The following KCNIP1 variants were observed in gnomAD, a reference collection of about 807,000 sequenced individuals.
KCNIP1 encodes the protein A-type potassium channel modulatory protein KCNIP1.
In KCNIP1, 18 loss-of-function variants were observed where a neutral mutation model predicts 33.0. That is an observed-to-expected ratio of 0.55 (90% CI 0.38 to 0.81). The LOEUF is 0.81. KCNIP1 is among the 30% of genes least tolerant of loss of function. The pLI, the probability that KCNIP1 is intolerant of heterozygous loss-of-function variation, is 0.00. For synonymous variants in KCNIP1, 93 were observed against 98.3 expected (o/e 0.95, Z 0.32); for missense variants, 238 against 271.6 (o/e 0.88, Z 0.87).
intron 1 of KCNIP1, among the ~76,000 whole-genome samples, chr5:170,541,350 A>G (rs1456828906): frequency 3.9e-5 from 6 of 152,146 alleles, no homozygotes; most frequent in Non-Finnish European, 5.9e-5. Flanking sequence ...GTCTGCCCCA[A>G]TCATTTCTCA....
chr5:170,555,877 G>A (rs774800397), intron 1 of KCNIP1, among the ~76,000 whole-genome samples: 2 of 152,130 alleles, frequency 1.3e-5, no homozygotes, highest in East Asian at 1.9e-4. Context: ...AGGGCTACAG[G>A]GACACAAGGT....
At chr5:170,408,580 T>C (rs938302862) in intron 1 of KCNIP1, among the ~76,000 whole-genome samples, 4 of 152,072 alleles carry the variant, frequency 2.6e-5, no homozygotes, top group African/African-American at 7.2e-5. Context: ...AGAGAGGAAA[T>C]TGTCCAATTC....
chr5:170,643,322 C>T (rs1760652136), intron 1 of KCNIP1, among the ~76,000 whole-genome samples: 1 of 152,244 alleles, frequency 6.6e-6, no homozygotes, highest in Admixed American at 6.5e-5. Context: ...ACATTTCTGG[C>T]TCCAGAACTG....
chr5:170,456,496 AC>A (rs1756378747), intron 1 of KCNIP1, among the ~76,000 whole-genome samples: 1 of 152,002 alleles, frequency 6.6e-6, no homozygotes, highest in Admixed American at 6.6e-5. Flanking sequence ...AAAAGAAAAA[AC>A]ATCTCATATC....
intron 1 of KCNIP1, among the ~76,000 whole-genome samples, chr5:170,696,293 A>C (rs530200138): frequency 3.5e-4 from 53 of 152,252 alleles, no homozygotes; most frequent in African/African-American, 1.2e-3. Flanking sequence ...TGAACAGAGG[A>C]TGGGCCTGAC....
At chr5:170,629,397 C>A (rs1759963751) in intron 1 of KCNIP1, among the ~76,000 whole-genome samples, 1 of 152,200 alleles carries the variant, frequency 6.6e-6, no homozygotes, top group Non-Finnish European at 1.5e-5. Context: ...TCCCCCAGGA[C>A]CTGCTCCACC....
At chr5:170,578,467 T>TTGTG (rs1414711437) in intron 1 of KCNIP1, among the ~76,000 whole-genome samples, 12 of 151,002 alleles carry the variant, frequency 7.9e-5, no homozygotes, top group Non-Finnish European at 1.5e-4. Flanking sequence ...CCTATGGCCC[T>TTGTG]TGTGTTTCTT....
intron 1 of KCNIP1, among the ~76,000 whole-genome samples, chr5:170,379,198 G>A (rs1454970367): frequency 6.6e-6 from 1 of 152,122 alleles, no homozygotes; most frequent in Admixed American, 6.5e-5. Flanking sequence ...CGGGGTACAG[G>A]CTACACACCT....
chr5:170,687,185 A>ATT (rs540360161), intron 1 of KCNIP1, among the ~76,000 whole-genome samples: 297 of 145,938 alleles, frequency 2.0e-3, no homozygotes, highest in African/African-American at 6.4e-3. Context: ...ACCTGAGTAA[A>ATT]TTTTTTTTTT....
At position 170,619,081 on chromosome 5, in the gene KCNIP1, C is replaced by T. The variant is rs147428918; in HGVS notation, c.62-99677C>T. ...GTTCCATAAACAGCTGTTGAAGAGA[C>T]GGATGGATAACTGAATGAATGGATG... is the stretch of plus-strand genomic sequence containing the variant. On this transcript the variant is annotated intron_variant, in intron 1 of 7. Transcript: ENST00000328939. Among the ~76,000 whole-genome samples, 1,380 of 152,256 alleles carry T rather than the reference C, an allele frequency of 9.1e-3. 9 individuals are homozygous for T. Among genetic ancestry groups the T allele is most frequent in the Non-Finnish European group, 0.015 (1,012 of 68,010 alleles).
intron 1 of KCNIP1, among the ~76,000 whole-genome samples, chr5:170,620,218 A>G (rs532845194): frequency 2.6e-5 from 4 of 152,158 alleles, no homozygotes; most frequent in Non-Finnish European, 4.4e-5. Context: ...CTTCCAACAC[A>G]TGCACCAACC....
At chr5:170,735,662 T>C (rs1363712) in intron 7 of KCNIP1, 97 bp from the exon 8 acceptor site, 426,948 of 1,049,132 alleles carry the variant, frequency 0.41, 94,959 homozygotes, top group Non-Finnish European at 0.47. Context: ...GTTTTCTCCA[T>C]ATAGGAAACC....
intron 1 of KCNIP1, among the ~76,000 whole-genome samples, chr5:170,547,847 T>C (rs1756474502): frequency 6.6e-6 from 1 of 152,228 alleles, no homozygotes; most frequent in Admixed American, 6.5e-5. Context: ...TGCAGCTGTC[T>C]TTATAATAGA....
At chr5:170,584,870 C>T (rs1200627683) in intron 1 of KCNIP1, among the ~76,000 whole-genome samples, 3 of 152,176 alleles carry the variant, frequency 2.0e-5, no homozygotes, top group Non-Finnish European at 2.9e-5. Flanking sequence ...TCCCATCCTC[C>T]AAAGAGAAGA....
intron 1 of KCNIP1, among the ~76,000 whole-genome samples, chr5:170,711,705 A>G (rs1018378837): frequency 1.3e-5 from 2 of 152,224 alleles, no homozygotes; most frequent in African/African-American, 4.8e-5. Context: ...CTGTAACCTG[A>G]AACAGCTCTA....
At chr5:170,363,122 C>T (rs1429292669) in intron 1 of KCNIP1, among the ~76,000 whole-genome samples, 1 of 152,232 alleles carries the variant, frequency 6.6e-6, no homozygotes, top group African/African-American at 2.4e-5. Flanking sequence ...CAGTCCAGCC[C>T]TGTCTCTGTG....
At chr5:170,534,507 GAGA>G (rs1193885590) in intron 1 of KCNIP1, among the ~76,000 whole-genome samples, 1 of 87,318 alleles carries the variant, frequency 1.1e-5, no homozygotes, top group African/African-American at 1.0e-4. Context: ...GGAGAAGGAG[GAGA>G]AGGAGAAGAA....
chr5:170,469,683 C>T (rs938988236), intron 1 of KCNIP1, among the ~76,000 whole-genome samples: 10 of 152,196 alleles, frequency 6.6e-5, no homozygotes, highest in Non-Finnish European at 1.5e-5. Flanking sequence ...TCTTACTCTC[C>T]GGCTTTCAAC....
chr5:170,733,678 A>C (rs560962679), intron 6 of KCNIP1, among the ~76,000 whole-genome samples, 158 bp from the exon 7 acceptor site: 1 of 152,240 alleles, frequency 6.6e-6, no homozygotes, highest in African/African-American at 2.4e-5. Flanking sequence ...TTGTCTGGCC[A>C]GTGAAAGACA....
Sources: allele counts gnomAD v4.1 joint callset (sites outside exome capture counted in the v4.1 genomes callset), GRCh38; gene constraint gnomAD v4.1.1; transcripts MANE v1.5; gene names NCBI Gene and HGNC (gene_info 2026-07-23, HGNC 2026-07-21).